The following CSMD1 variants were observed in gnomAD, a reference collection of about 807,000 sequenced individuals.
CSMD1 encodes the protein CUB and Sushi multiple domains 1.
In CSMD1, 213 loss-of-function variants were observed where a neutral mutation model predicts 417.5. The observed-to-expected ratio is 0.51, with a 90% CI of 0.46 to 0.57. The LOEUF (loss-of-function observed/expected upper bound fraction) is 0.57, where lower values mean the gene tolerates loss of function less well. Among genes scored for constraint, CSMD1 ranks in the 20% least tolerant of loss-of-function variants. The probability of loss-of-function intolerance (pLI) is 0.00; values close to 1 mark genes in which losing one functional copy is unlikely to be tolerated. For synonymous variants in CSMD1, 2,862 were observed against 1,736.8 expected (o/e 1.65, Z -16.11); for missense variants, 6,923 against 4,529.7 (o/e 1.53, Z -15.17).
intron 5 of CSMD1, among the ~76,000 whole-genome samples, chr8:3,935,696 G>T (rs1420997324): frequency 1.3e-5 from 2 of 152,094 alleles, no homozygotes; most frequent in African/African-American, 4.8e-5. Flanking sequence ...CCACTGACTG[G>T]CCTGGTCACT....
chr8:4,885,557 A>C (rs1247727832), intron 1 of CSMD1, among the ~76,000 whole-genome samples: 1 of 151,984 alleles, frequency 6.6e-6, no homozygotes, highest in African/African-American at 2.4e-5. Flanking sequence ...GATTTTGTCA[A>C]ATGCTTTTTC....
intron 5 of CSMD1, among the ~76,000 whole-genome samples, chr8:3,767,710 T>C (rs1247857380): frequency 6.6e-6 from 1 of 152,204 alleles, no homozygotes; most frequent in African/African-American, 2.4e-5. Flanking sequence ...AGTGTATGTC[T>C]ACATATACTT....
At chr8:2,972,341 T>C (rs1804531794) in intron 57 of CSMD1, among the ~76,000 whole-genome samples, 7 of 152,234 alleles carry the variant, frequency 4.6e-5, no homozygotes, top group Admixed American at 3.9e-4. Flanking sequence ...GTTTCATACA[T>C]ACAACAATAC....
intron 6 of CSMD1, among the ~76,000 whole-genome samples, chr8:3,743,449 G>C (rs1456078444): frequency 6.6e-6 from 1 of 152,184 alleles, no homozygotes; most frequent in Non-Finnish European, 1.5e-5. Context: ...ATTATGTGGA[G>C]ACTTCTGAAT....
chr8:4,451,119 A>T (rs1266771238), intron 2 of CSMD1, among the ~76,000 whole-genome samples: 1 of 152,174 alleles, frequency 6.6e-6, no homozygotes, highest in African/African-American at 2.4e-5. Flanking sequence ...CCTGAGTTCA[A>T]GAGATCCAGA....
rs1038135885 is a variant in CSMD1, at chr8:3,829,974, GT to G, written c.819-75933del. Among the ~76,000 whole-genome samples the G allele has an allele frequency of 4.0e-4, 61 of 152,172 alleles. 1 individual carries two copies. The highest frequency in any genetic ancestry group is 1.4e-3 in the African/African-American group (58 of 41,534). ...GGAAAATTAAAAATTTTGCTCATAT[GT>G]TTTTTGTTTATACATTTGTTTTCCT... On this transcript the variant is annotated intron_variant, in intron 5 of 69. Transcript: ENST00000635120.
intron 3 of CSMD1, among the ~76,000 whole-genome samples, chr8:4,417,213 C>T (rs192758372): frequency 1.3e-5 from 2 of 152,164 alleles, no homozygotes; most frequent in East Asian, 3.9e-4. Context: ...AGTGTTCCCA[C>T]TGGATTTCCA....
At chr8:4,138,148 C>A (rs145487984) in intron 3 of CSMD1, among the ~76,000 whole-genome samples, 12 of 83,784 alleles carry the variant, frequency 1.4e-4, no homozygotes, top group Non-Finnish European at 9.5e-5. Flanking sequence ...ATCTCCTGAC[C>A]TCATGATCCT....
chr8:3,379,072 C>T (rs113910522), intron 18 of CSMD1, among the ~76,000 whole-genome samples: 8,901 of 152,186 alleles, frequency 0.058, 358 homozygotes, highest in East Asian at 0.17. Context: ...TATCAATGTG[C>T]GAAAAGCACA....
At chr8:4,893,261 G>A (rs1585277064) in intron 1 of CSMD1, among the ~76,000 whole-genome samples, 1 of 152,146 alleles carries the variant, frequency 6.6e-6, no homozygotes, top group Middle Eastern at 3.4e-3. Context: ...TTTTTCCAAT[G>A]TTTCTAACTG....
At chr8:4,777,266 C>A (rs1409932187) in intron 1 of CSMD1, among the ~76,000 whole-genome samples, 6 of 152,106 alleles carry the variant, frequency 3.9e-5, no homozygotes, top group Non-Finnish European at 8.8e-5. Context: ...CAAGGCAGTG[C>A]GAGAAACAAT....
intron 52 of CSMD1, among the ~76,000 whole-genome samples, chr8:3,007,813 C>G (rs1808066085): frequency 6.7e-6 from 1 of 150,174 alleles, no homozygotes; most frequent in Non-Finnish European, 1.5e-5. Context: ...GGAGATATAC[C>G]TAATGCTAGA....
At chr8:4,637,801 G>C (rs1340818007) in intron 1 of CSMD1, among the ~76,000 whole-genome samples, 1 of 151,654 alleles carries the variant, frequency 6.6e-6, no homozygotes, top group Non-Finnish European at 1.5e-5. Flanking sequence ...CTCCCGAGTA[G>C]GTGGGACTAC....
At chr8:4,330,360 C>T (rs1799799816) in intron 3 of CSMD1, among the ~76,000 whole-genome samples, 1 of 152,028 alleles carries the variant, frequency 6.6e-6, no homozygotes, top group African/African-American at 2.4e-5. Context: ...TTTAGGAGGA[C>T]TAGTCAGGCA....
chr8:4,582,669 G>C (rs778388304), intron 2 of CSMD1, among the ~76,000 whole-genome samples: 5 of 152,226 alleles, frequency 3.3e-5, no homozygotes, highest in Non-Finnish European at 1.5e-5. Context: ...CAGGCTGGCA[G>C]TCCTCCCAGC....
chr8:3,042,990 A>G (rs1466095556), intron 50 of CSMD1, among the ~76,000 whole-genome samples: 1 of 151,628 alleles, frequency 6.6e-6, no homozygotes. Context: ...ACCATAGGTC[A>G]CTATAGCGAT....
chr8:4,930,511 C>T (rs149410610), intron 1 of CSMD1, among the ~76,000 whole-genome samples: 93 of 152,138 alleles, frequency 6.1e-4, no homozygotes, highest in Middle Eastern at 3.4e-3. Flanking sequence ...AAACTACAGC[C>T]GAGCATACAG....
At chr8:4,915,194 A>G (rs1218654609) in intron 1 of CSMD1, among the ~76,000 whole-genome samples, 1 of 152,014 alleles carries the variant, frequency 6.6e-6, no homozygotes, top group African/African-American at 2.4e-5. Flanking sequence ...ATATACACAT[A>G]CATATACCTG....
chr8:4,802,384 T>C (rs543581839), intron 1 of CSMD1, among the ~76,000 whole-genome samples: 1 of 151,380 alleles, frequency 6.6e-6, no homozygotes, highest in South Asian at 2.1e-4. Flanking sequence ...TGTGTAGGGA[T>C]AGTGAGAAGC....
Sources: gnomAD v4.1 joint callset for allele counts (sites outside exome capture counted in the v4.1 genomes callset) on GRCh38, gnomAD v4.1.1 for gene constraint, MANE v1.5 for transcripts, NCBI Gene and HGNC (gene_info 2026-07-23, HGNC 2026-07-21) for gene names.